The following KCNAB1 variants were observed in gnomAD, a reference collection of about 807,000 sequenced individuals.
KCNAB1 encodes potassium voltage-gated channel subfamily A regulatory beta subunit 1, also known as voltage-gated potassium channel subunit beta-1.
A neutral mutation model predicts 64.6 loss-of-function variants in KCNAB1; 35 were observed. The ratio of observed to expected loss-of-function variants is 0.54; its 90% CI spans 0.41 to 0.72. The LOEUF (loss-of-function observed/expected upper bound fraction) is 0.72, where lower values mean the gene tolerates loss of function less well. Among genes scored for constraint, KCNAB1 ranks in the 30% least tolerant of loss-of-function variants. The pLI is 0.00. For missense variants in KCNAB1, 401 were observed against 512.9 expected, an observed-to-expected ratio of 0.78 and a Z score of 2.11; for synonymous variants, 177 against 183.8, an observed-to-expected ratio of 0.96 and a Z score of 0.30.
intron 1 of KCNAB1, among the ~76,000 whole-genome samples, chr3:156,414,009 G>C (rs565764347): frequency 6.6e-6 from 1 of 152,280 alleles, no homozygotes; most frequent in African/African-American, 2.4e-5. Context: ...ATGCATTATG[G>C]CTGAAAGCAT....
intron 1 of KCNAB1, among the ~76,000 whole-genome samples, chr3:156,331,501 TTTC>T (rs1228606686): frequency 2.0e-5 from 3 of 152,194 alleles, no homozygotes; most frequent in Non-Finnish European, 4.4e-5. Context: ...TACCCTTTCA[TTTC>T]TTCTTAAGAG....
chr3:156,372,247 A>G (rs370468242), intron 1 of KCNAB1, among the ~76,000 whole-genome samples: 2 of 152,362 alleles, frequency 1.3e-5, no homozygotes, highest in South Asian at 4.1e-4. Flanking sequence ...ATAGTAGGAT[A>G]TGGTGTGGTT....
intron 11 of KCNAB1, among the ~76,000 whole-genome samples, chr3:156,518,964 C>G (rs774190868): frequency 6.6e-6 from 1 of 152,218 alleles, no homozygotes; most frequent in Non-Finnish European, 1.5e-5. Flanking sequence ...ACCCATCCAT[C>G]TGGTTGTCTC....
intron 1 of KCNAB1, among the ~76,000 whole-genome samples, chr3:156,365,382 G>T (rs1043941899): frequency 6.6e-6 from 1 of 152,186 alleles, no homozygotes; most frequent in African/African-American, 2.4e-5. Context: ...TGGCGTAGAC[G>T]TGCAAGAGGC....
At chr3:156,185,149 C>A (rs1211350895) in intron 1 of KCNAB1, among the ~76,000 whole-genome samples, 1 of 152,214 alleles carries the variant, frequency 6.6e-6, no homozygotes, top group Non-Finnish European at 1.5e-5. Context: ...TACCTGTTGT[C>A]TTCAGTGACC....
At chr3:156,386,609 A>G (rs1209733759) in intron 1 of KCNAB1, among the ~76,000 whole-genome samples, 1 of 152,154 alleles carries the variant, frequency 6.6e-6, no homozygotes, top group Non-Finnish European at 1.5e-5. Context: ...CGACATTCCT[A>G]CTGGGTGGGG....
intron 1 of KCNAB1, among the ~76,000 whole-genome samples, chr3:156,368,491 C>G (rs1323880098): frequency 6.6e-6 from 1 of 152,196 alleles, no homozygotes; most frequent in African/African-American, 2.4e-5. Context: ...TAGGTGCAAT[C>G]ATAGCTCACT....
rs146994156 is a variant in KCNAB1, at chr3:156,284,964, C to T, written c.276-136652C>T. 8.5e-3 allele frequency among the ~76,000 whole-genome samples: 1,289 copies of T among 152,330 alleles called. 14 individuals carry two copies. Among genetic ancestry groups the T allele is most frequent in the African/African-American group, 0.03 (1,233 of 41,570 alleles). ...TGGGAGCTGTAGACCAGAGCTGTTC[C>T]TATTCGGCCATCTTGGCTCCTCCCC... is the stretch of plus-strand genomic sequence containing the variant. On this transcript the variant is annotated intron_variant, in intron 1 of 13. Coordinates refer to ENST00000490337, the MANE Select transcript of KCNAB1 (RefSeq NM_172160.3).
intron 1 of KCNAB1, among the ~76,000 whole-genome samples, chr3:156,285,097 T>G (rs1340219893): frequency 6.6e-6 from 1 of 152,176 alleles, no homozygotes; most frequent in Admixed American, 6.5e-5. Flanking sequence ...TTTTGATTAA[T>G]TGAAAATAAA....
At chr3:156,264,198 T>C (rs1244598239) in intron 1 of KCNAB1, among the ~76,000 whole-genome samples, 3 of 152,150 alleles carry the variant, frequency 2.0e-5, no homozygotes, top group Non-Finnish European at 4.4e-5. Flanking sequence ...AAATTTGTTT[T>C]GTTTGACAGT....
At chr3:156,374,747 C>G (rs1002559931) in intron 1 of KCNAB1, among the ~76,000 whole-genome samples, 1 of 134,628 alleles carries the variant, frequency 7.4e-6, no homozygotes, top group Admixed American at 7.0e-5. Context: ...TATGGCTGTT[C>G]GGCCTTAGTT....
intron 2 of KCNAB1, among the ~76,000 whole-genome samples, chr3:156,429,574 T>C (rs1716066014): frequency 6.6e-6 from 1 of 152,230 alleles, no homozygotes; most frequent in African/African-American, 2.4e-5. Context: ...TCCTGGCTCA[T>C]CTCCGTCTGC....
intron 1 of KCNAB1, among the ~76,000 whole-genome samples, chr3:156,402,796 C>CA (rs1245549495): frequency 1.3e-5 from 2 of 152,342 alleles, no homozygotes; most frequent in East Asian, 3.9e-4. Flanking sequence ...CAGTAGTCAA[C>CA]AAAGATTATT....
At chr3:156,333,897 C>G (rs1723510024) in intron 1 of KCNAB1, among the ~76,000 whole-genome samples, 1 of 151,978 alleles carries the variant, frequency 6.6e-6, no homozygotes, top group Non-Finnish European at 1.5e-5. Context: ...TGAATGTGTT[C>G]ATTTTTCAAT....
chr3:156,123,547 G>A (rs982321284), intron 1 of KCNAB1, among the ~76,000 whole-genome samples: 2 of 152,236 alleles, frequency 1.3e-5, no homozygotes, highest in Non-Finnish European at 2.9e-5. Context: ...CAGCAGGATA[G>A]GGAATGCACA....
intron 1 of KCNAB1, among the ~76,000 whole-genome samples, chr3:156,300,060 G>T (rs1462743314): frequency 6.6e-6 from 1 of 152,170 alleles, no homozygotes; most frequent in Admixed American, 6.5e-5. Context: ...CAAGGGCACA[G>T]CAACAAGACA....
At chr3:156,251,265 G>T (rs1717814342) in intron 1 of KCNAB1, among the ~76,000 whole-genome samples, 2 of 152,214 alleles carry the variant, frequency 1.3e-5, no homozygotes, top group South Asian at 4.1e-4. Context: ...CACACAAGGG[G>T]CTTTAAACCA....
At chr3:156,466,049 G>A (rs1559899141) in intron 7 of KCNAB1, among the ~76,000 whole-genome samples, 2 of 152,066 alleles carry the variant, frequency 1.3e-5, no homozygotes, top group Non-Finnish European at 2.9e-5. Flanking sequence ...TTACGGAGTT[G>A]TACACCAAAC....
intron 1 of KCNAB1, among the ~76,000 whole-genome samples, chr3:156,166,483 CAT>C (rs1463464373): frequency 6.6e-6 from 1 of 151,928 alleles, no homozygotes; most frequent in African/African-American, 2.4e-5. Context: ...CAAATGTAAA[CAT>C]GTTATTTTTA....
Sources: allele counts gnomAD v4.1 joint callset (sites outside exome capture counted in the v4.1 genomes callset), GRCh38; gene constraint gnomAD v4.1.1; transcripts MANE v1.5; gene names NCBI Gene and HGNC (gene_info 2026-07-23, HGNC 2026-07-21).